COL19A1: variants seen among roughly 807,000 people sequenced by gnomAD.
The protein encoded by COL19A1 is collagen alpha-1(XIX) chain.
In COL19A1, 159 loss-of-function variants were observed where a neutral mutation model predicts 190.2. The ratio of observed to expected loss-of-function variants is 0.84; its 90% CI spans 0.73 to 0.95. The LOEUF is 0.95. Among genes scored for constraint, COL19A1 ranks in the 40% least tolerant of loss-of-function variants. COL19A1 has a pLI of 0.00. For synonymous variants in COL19A1, 509 were observed against 458.9 expected (o/e 1.11, Z -1.39); for missense variants, 1,418 against 1,431.9 (o/e 0.99, Z 0.16).
intron 40 of COL19A1, among the ~76,000 whole-genome samples, chr6:70,169,112 G>A (rs1229015835): frequency 2.0e-5 from 3 of 152,020 alleles, no homozygotes; most frequent in Admixed American, 6.6e-5. Flanking sequence ...AAACGTCTTA[G>A]GCAATTATTT....
intron 11 of COL19A1, among the ~76,000 whole-genome samples, chr6:70,009,920 C>A (rs749441942): frequency 1.3e-5 from 2 of 151,890 alleles, no homozygotes; most frequent in Non-Finnish European, 2.9e-5. Flanking sequence ...CAACCCATAC[C>A]TCCCACATTA....
At chr6:69,921,707 C>T (rs1434634442) in intron 4 of COL19A1, among the ~76,000 whole-genome samples, 3 of 132,390 alleles carry the variant, frequency 2.3e-5, no homozygotes, top group Non-Finnish European at 4.8e-5. Context: ...CGTATATATT[C>T]GTATGTAGAT....
chr6:69,981,469 A>G (rs1286140942), intron 11 of COL19A1, among the ~76,000 whole-genome samples: 2 of 152,148 alleles, frequency 1.3e-5, no homozygotes, highest in East Asian at 3.8e-4. Context: ...GCCTGTATGT[A>G]TGTGTGCATC....
intron 2 of COL19A1, among the ~76,000 whole-genome samples, chr6:69,887,499 T>G (rs181893129): frequency 1.3e-5 from 2 of 152,220 alleles, no homozygotes; most frequent in Non-Finnish European, 2.9e-5. Flanking sequence ...GTGTAACTAC[T>G]ACTCAGACCT....
At chr6:70,181,100 G>A (rs1189986277) in intron 44 of COL19A1, among the ~76,000 whole-genome samples, 1 of 152,188 alleles carries the variant, frequency 6.6e-6, no homozygotes, top group African/African-American at 2.4e-5. Context: ...TGTTTGCTAA[G>A]AATGTGCTGG....
intron 2 of COL19A1, among the ~76,000 whole-genome samples, chr6:69,894,588 G>A (rs899929671): frequency 2.0e-5 from 3 of 152,122 alleles, no homozygotes; most frequent in Non-Finnish European, 4.4e-5. Flanking sequence ...CTTTTGACAG[G>A]CATTAAACAC....
chr6:69,967,403 C>T (rs1775179502), intron 11 of COL19A1, among the ~76,000 whole-genome samples: 1 of 152,166 alleles, frequency 6.6e-6, no homozygotes. Context: ...AGGTGGAGAG[C>T]ATCAAACATG....
At chr6:69,872,709 T>A (rs1767913850) in intron 1 of COL19A1, among the ~76,000 whole-genome samples, 1 of 152,188 alleles carries the variant, frequency 6.6e-6, no homozygotes, top group African/African-American at 2.4e-5. Flanking sequence ...AGCCACTTAT[T>A]ATCTTTTTGT....
chr6:70,039,036 GA>G (rs1216792987), intron 14 of COL19A1, among the ~76,000 whole-genome samples: 1 of 151,604 alleles, frequency 6.6e-6, no homozygotes, highest in East Asian at 1.9e-4. Context: ...CCCAGCTGGA[GA>G]CAGAGCAAGA....
intron 4 of COL19A1, among the ~76,000 whole-genome samples, chr6:69,921,048 A>G (rs1483042074): frequency 2.6e-5 from 1 of 38,408 alleles, no homozygotes; most frequent in Non-Finnish European, 5.7e-5. Context: ...ATATATTCAT[A>G]GACATATCAT....
chr6:70,081,385 C>T (rs751125642), intron 15 of COL19A1, among the ~76,000 whole-genome samples: 1 of 152,072 alleles, frequency 6.6e-6, no homozygotes, highest in Admixed American at 6.5e-5. Flanking sequence ...CAACAAGGCA[C>T]ATTTTCTAGC....
chr6:70,036,487 CATA>C (rs879815213), intron 14 of COL19A1, among the ~76,000 whole-genome samples: 14 of 152,140 alleles, frequency 9.2e-5, no homozygotes, highest in Non-Finnish European at 1.8e-4. Flanking sequence ...ATAGTGTGCA[CATA>C]ATGAGATTGT....
chr6:69,921,686 G>A (rs927019839), intron 4 of COL19A1, among the ~76,000 whole-genome samples: 2 of 144,708 alleles, frequency 1.4e-5, no homozygotes, highest in African/African-American at 2.6e-5. Context: ...GTATATATTC[G>A]TATGTAGATT....
chr6:70,136,289 A>C (rs1489592262), intron 18 of COL19A1, among the ~76,000 whole-genome samples: 2 of 152,176 alleles, frequency 1.3e-5, no homozygotes, highest in Non-Finnish European at 2.9e-5. Flanking sequence ...TAGCTGTTTG[A>C]GGCTTCAAAA....
chr6:69,912,096 G>GTC (rs563884255), intron 4 of COL19A1, among the ~76,000 whole-genome samples: 2 of 152,042 alleles, frequency 1.3e-5, no homozygotes, highest in Non-Finnish European at 2.9e-5. Context: ...ACCCATTTCT[G>GTC]TCTCTCTCTG....
intron 34 of COL19A1, among the ~76,000 whole-genome samples, chr6:70,161,658 G>A (rs372921635): frequency 2.0e-5 from 3 of 152,138 alleles, no homozygotes; most frequent in South Asian, 2.1e-4. Flanking sequence ...CACTAAAATC[G>A]CAGACTTCAC....
At position 69,938,032 on chromosome 6, in the gene COL19A1, G is replaced by C; in HGVS notation, c.874-6G>C. On this transcript the variant is annotated splice_region_variant and splice_polypyrimidine_tract_variant and intron_variant, in intron 8 of 50. Coordinates refer to ENST00000620364, the MANE Select transcript of COL19A1 (RefSeq NM_001858.6). ...TTTGCTAACACAGATATGCATTTTT[G>C]CTCAGGGAGAAGCAGGATTACCAGG... is the stretch of plus-strand genomic sequence containing the variant. 1 of 1,612,032 alleles carries C rather than the reference G, an allele frequency of 6.2e-7. No individual in the cohort carries two copies. The highest frequency in any genetic ancestry group is 8.5e-7 in the Non-Finnish European group (1 of 1,178,866).
chr6:70,175,570 A>T (rs926521146), intron 41 of COL19A1, among the ~76,000 whole-genome samples: 1 of 152,012 alleles, frequency 6.6e-6, no homozygotes, highest in African/African-American at 2.4e-5. Context: ...TCTGTTTCTG[A>T]TATTTCTGTT....
intron 16 of COL19A1, among the ~76,000 whole-genome samples, chr6:70,103,328 G>A (rs1272059432): frequency 6.6e-6 from 1 of 152,026 alleles, no homozygotes. Context: ...CTATATTTTT[G>A]AAGTCATCTG....
Sources: allele counts gnomAD v4.1 joint callset (sites outside exome capture counted in the v4.1 genomes callset), GRCh38; gene constraint gnomAD v4.1.1; transcripts MANE v1.5; gene names NCBI Gene and HGNC (gene_info 2026-07-23, HGNC 2026-07-21).